The following STK32B variants were observed in gnomAD, a reference collection of about 807,000 sequenced individuals.
STK32B encodes the protein serine/threonine kinase 32B, also known as serine/threonine-protein kinase 32B.
In STK32B, 43 loss-of-function variants were observed where a neutral mutation model predicts 52.6. The observed-to-expected ratio is 0.82, with a 90% CI of 0.64 to 1.05. The LOEUF is 1.05. Ranked by LOEUF, STK32B falls within the 50% of genes least tolerant of loss-of-function variation. The pLI is 0.00. For missense variants in STK32B, 621 were observed against 534.6 expected, an observed-to-expected ratio of 1.16 and a Z score of -1.59; for synonymous variants, 238 against 204.3, an observed-to-expected ratio of 1.17 and a Z score of -1.41.
intron 2 of STK32B, among the ~76,000 whole-genome samples, chr4:5,148,082 T>C (rs1275211293): frequency 6.6e-6 from 1 of 151,938 alleles, no homozygotes; most frequent in Non-Finnish European, 1.5e-5. Flanking sequence ...TTAGTAGATA[T>C]AAGGCACTCA....
chr4:5,358,428 G>A (rs1734316593), intron 4 of STK32B, among the ~76,000 whole-genome samples: 1 of 152,216 alleles, frequency 6.6e-6, no homozygotes, highest in South Asian at 2.1e-4. Flanking sequence ...AGAACAGTAA[G>A]ATGGTTAAAG....
intron 4 of STK32B, among the ~76,000 whole-genome samples, chr4:5,332,283 G>C (rs1732308849): frequency 6.6e-6 from 1 of 152,092 alleles, no homozygotes; most frequent in Non-Finnish European, 1.5e-5. Context: ...GGGGGAAGCT[G>C]GGAAGAAAGA....
intron 3 of STK32B, among the ~76,000 whole-genome samples, chr4:5,265,315 G>A (rs1046922798): frequency 6.6e-6 from 1 of 152,218 alleles, no homozygotes; most frequent in Admixed American, 6.5e-5. Context: ...TCCTTGGAAA[G>A]CGTTAATTCT....
chr4:5,307,458 C>T (rs1729996627), intron 3 of STK32B, among the ~76,000 whole-genome samples: 1 of 150,986 alleles, frequency 6.6e-6, no homozygotes, highest in Admixed American at 6.6e-5. Context: ...TTTTGCATTT[C>T]TCTAATTGTG....
chr4:5,095,833 A>G (rs910440146), intron 1 of STK32B, among the ~76,000 whole-genome samples: 13 of 152,196 alleles, frequency 8.5e-5, no homozygotes, highest in African/African-American at 2.9e-4. Context: ...TCAGTATCCA[A>G]TGCCAATGGA....
chr4:5,495,082 T>C (rs1720099412), intron 11 of STK32B, among the ~76,000 whole-genome samples: 1 of 152,154 alleles, frequency 6.6e-6, no homozygotes, highest in South Asian at 2.1e-4. Flanking sequence ...AGGAGTATCT[T>C]TGTGGCATTC....
At position 5,285,005 on chromosome 4, in the gene STK32B, A is replaced by G. The variant is rs534291452; in HGVS notation, c.261-46215A>G. On this transcript the variant is annotated intron_variant, in intron 3 of 11. Transcript: ENST00000282908. ...CAGCTGTGGTTGCCCACCATTTTAA[A>G]CAAATTGTTCATCTTATAAACAGAG... 3.3e-5 allele frequency among the ~76,000 whole-genome samples: 5 copies of G among 149,776 alleles called. No homozygotes were observed. In the South Asian group the frequency reaches 8.3e-4, roughly 25 times the overall value.
At chr4:5,311,894 GC>G (rs745336439) in intron 3 of STK32B, among the ~76,000 whole-genome samples, 13 of 142,224 alleles carry the variant, frequency 9.1e-5, no homozygotes, top group Admixed American at 1.3e-4. Context: ...GAAGAGAAGT[GC>G]ATACTTTTAT....
At chr4:5,369,289 G>C (rs1247294282) in intron 4 of STK32B, among the ~76,000 whole-genome samples, 2 of 151,970 alleles carry the variant, frequency 1.3e-5, no homozygotes, top group African/African-American at 4.8e-5. Context: ...GTGCCCAGCT[G>C]AGGGACCAGC....
intron 4 of STK32B, among the ~76,000 whole-genome samples, chr4:5,382,591 A>C (rs1736003782): frequency 6.6e-6 from 1 of 151,898 alleles, no homozygotes; most frequent in Non-Finnish European, 1.5e-5. Context: ...TAAAGAGCAA[A>C]ATTCCCAAGA....
chr4:5,446,887 GA>G (rs1577516658), intron 7 of STK32B, 111 bp downstream of exon 7: 1 of 987,638 alleles, frequency 1.0e-6, no homozygotes, highest in South Asian at 1.4e-5. Context: ...AGCACTGGGG[GA>G]GTCACTGCCC....
intron 3 of STK32B, among the ~76,000 whole-genome samples, chr4:5,321,814 T>C (rs917309032): frequency 6.6e-6 from 1 of 152,122 alleles, no homozygotes. Context: ...TGCCCCCAAC[T>C]GCCTCTGCCT....
chr4:5,398,613 G>A lies in STK32B; in HGVS notation c.472+369G>A, dbSNP rs76096581. On this transcript the variant is annotated intron_variant, in intron 5 of 11. Transcript: ENST00000282908. This position sits in a 1 kb window ranked among gnomAD's most constrained non-coding sequence, Gnocchi z 4.9. Reference sequence around the variant, plus strand: ...CCTCAGTGTAATTTTCTGTAAACTGGGGAGAAGGCACCTCCCTTGCAGGGT... The same window carrying A: ...CCTCAGTGTAATTTTCTGTAAACTGAGGAGAAGGCACCTCCCTTGCAGGGT... Among the ~76,000 whole-genome samples, 599 of 152,248 alleles carry A rather than the reference G, an allele frequency of 3.9e-3. 6 individuals carry two copies. Among genetic ancestry groups the A allele is most frequent in the African/African-American group, 0.013 (555 of 41,544 alleles).
intron 7 of STK32B, among the ~76,000 whole-genome samples, chr4:5,455,440 T>A (rs1380582280): frequency 6.6e-6 from 1 of 152,106 alleles, no homozygotes; most frequent in Non-Finnish European, 1.5e-5. Context: ...GGAAATCAGC[T>A]CCTCCCCTGG....
intron 3 of STK32B, among the ~76,000 whole-genome samples, chr4:5,271,530 A>T (rs1023333497): frequency 2.0e-5 from 3 of 149,360 alleles, no homozygotes; most frequent in Non-Finnish European, 4.4e-5. Context: ...GTTTTTTCCA[A>T]TTCTGTGAAG....
Position 5,439,206 on chromosome 4 carries a change from T to A in STK32B, c.563-7467T>A, listed in dbSNP as rs947308955. Among the ~76,000 whole-genome samples, 7 of 150,118 alleles carry A rather than the reference T, an allele frequency of 4.7e-5. 1 individual carries two copies. Among genetic ancestry groups the A allele is most frequent in the African/African-American group, 1.5e-4 (6 of 41,146 alleles). ...GACTTCCACAATGGTTGAACTAGTT[T>A]ACAGTCCCACCAACAGTGTGAAAGT... On this transcript the variant is annotated intron_variant, in intron 6 of 11. Coordinates refer to ENST00000282908, the MANE Select transcript of STK32B (RefSeq NM_018401.3).
intron 3 of STK32B, among the ~76,000 whole-genome samples, chr4:5,295,292 C>T (rs9999787): frequency 0.027 from 4,100 of 151,936 alleles, 86 homozygotes; most frequent in East Asian, 0.072. Context: ...CCTCATAAAA[C>T]GAGTTATGGA....
At position 5,146,907 on chromosome 4, in the gene STK32B, T is replaced by C. The variant is rs1319356967; in HGVS notation, c.108+6947T>C. On this transcript the variant is annotated intron_variant, in intron 2 of 11. Transcript: ENST00000282908. ...GATTGTTTTGGATATTCTAGATCAT[T>C]GATTTTCATACAAATTTTGGAGTTG... Among the ~76,000 whole-genome samples the C allele has an allele frequency of 2.0e-5, 3 of 152,218 alleles. No individual in the cohort carries two copies. In the South Asian group the frequency reaches 6.2e-4, roughly 31 times the overall value.
chr4:5,116,409 A>G (rs149897179), intron 1 of STK32B, among the ~76,000 whole-genome samples: 2 of 152,230 alleles, frequency 1.3e-5, no homozygotes, highest in East Asian at 1.9e-4. Flanking sequence ...TTTACAGTCT[A>G]TGGCTTGATG....
Sources: allele counts gnomAD v4.1 joint callset (sites outside exome capture counted in the v4.1 genomes callset), GRCh38; gene constraint gnomAD v4.1.1; non-coding constraint Gnocchi (gnomAD v3.1); transcripts MANE v1.5; gene names NCBI Gene and HGNC (gene_info 2026-07-23, HGNC 2026-07-21).